The following TULP4 variants were observed in gnomAD, a reference collection of about 807,000 sequenced individuals.
TULP4 encodes the protein TUB like protein 4, also known as tubby-related protein 4.
TULP4 carries 16 observed loss-of-function variants against 129.0 expected under a neutral mutation model. The observed-to-expected ratio is 0.12, with a 90% CI of 0.08 to 0.19. The LOEUF is 0.19. TULP4 is among the 10% of genes least tolerant of loss of function. TULP4 has a pLI of 1.00. For missense variants in TULP4, 1,842 were observed against 2,059.1 expected, an observed-to-expected ratio of 0.89 and a Z score of 2.04; for synonymous variants, 998 against 854.0, an observed-to-expected ratio of 1.17 and a Z score of -2.94.
At chr6:158,427,541 T>G (rs1778529536) in intron 2 of TULP4, among the ~76,000 whole-genome samples, 1 of 137,572 alleles carries the variant, frequency 7.3e-6, no homozygotes, top group Non-Finnish European at 1.5e-5. Context: ...GTCGCCAGGC[T>G]GGAGTGCAGT....
chr6:158,421,063 T>C (rs1323730583), intron 2 of TULP4, among the ~76,000 whole-genome samples: 1 of 152,008 alleles, frequency 6.6e-6, no homozygotes, highest in Non-Finnish European at 1.5e-5. Context: ...TCAAATACAT[T>C]TAAGAAATGC....
intron 1 of TULP4, among the ~76,000 whole-genome samples, chr6:158,258,299 C>T (rs918655542): frequency 1.3e-5 from 2 of 152,300 alleles, no homozygotes; most frequent in South Asian, 2.1e-4. Context: ...TCCAGCTGTC[C>T]ACTCCCTCAG....
intron 2 of TULP4, among the ~76,000 whole-genome samples, chr6:158,423,633 T>TTTG (rs56085300): frequency 0.23 from 34,921 of 150,668 alleles, 5,094 homozygotes; most frequent in Middle Eastern, 0.34. Flanking sequence ...GTTTTTGTTT[T>TTTG]TTGTTGTTGT....
At chr6:158,399,503 T>C (rs1562550473) in intron 1 of TULP4, among the ~76,000 whole-genome samples, 1 of 152,244 alleles carries the variant, frequency 6.6e-6, no homozygotes, top group Non-Finnish European at 1.5e-5. Flanking sequence ...TCGCAGGTGC[T>C]GCTGCTAGTC....
chr6:158,463,102 G>A (rs550041251), intron 6 of TULP4, among the ~76,000 whole-genome samples: 7 of 152,186 alleles, frequency 4.6e-5, no homozygotes, highest in East Asian at 1.9e-4. Flanking sequence ...TAACCATCTC[G>A]AAATTATCCT....
chr6:158,363,547 G>A (rs534021138), intron 1 of TULP4, among the ~76,000 whole-genome samples: 9 of 152,172 alleles, frequency 5.9e-5, no homozygotes, highest in South Asian at 2.1e-4. Flanking sequence ...GCAGTGGCAC[G>A]ATCTTGGCTC....
At chr6:158,405,670 C>T (rs772864824) in intron 1 of TULP4, among the ~76,000 whole-genome samples, 26 of 152,116 alleles carry the variant, frequency 1.7e-4, no homozygotes, top group South Asian at 6.2e-4. Context: ...ATCCAAGCCA[C>T]AAGGGGTTTT....
chr6:158,249,622 C>G (rs1175560607), intron 1 of TULP4, among the ~76,000 whole-genome samples: 5 of 152,194 alleles, frequency 3.3e-5, no homozygotes, highest in Non-Finnish European at 7.3e-5. Context: ...TTGCATCTCC[C>G]TCCTCACAAC....
chr6:158,297,780 G>A (rs116569478), intron 1 of TULP4, among the ~76,000 whole-genome samples: 1,684 of 152,242 alleles, frequency 0.011, 35 homozygotes, highest in African/African-American at 0.037. Flanking sequence ...TCTATGTTTA[G>A]CGGTGCACGT....
At chr6:158,341,683 A>G (rs1292395786) in intron 1 of TULP4, among the ~76,000 whole-genome samples, 1 of 151,882 alleles carries the variant, frequency 6.6e-6, no homozygotes, top group African/African-American at 2.4e-5. Context: ...TTTTTTTTTC[A>G]TATACCTGAT....
chr6:158,340,532 T>C (rs1034494638), intron 1 of TULP4, among the ~76,000 whole-genome samples: 1 of 152,042 alleles, frequency 6.6e-6, no homozygotes, highest in Admixed American at 6.6e-5. Flanking sequence ...ACCGTACTGC[T>C]CCCAAACCAG....
At chr6:158,451,246 C>T (rs980680981) in intron 4 of TULP4, among the ~76,000 whole-genome samples, 2 of 152,200 alleles carry the variant, frequency 1.3e-5, no homozygotes, top group Non-Finnish European at 2.9e-5. Context: ...CAGGTGTTCA[C>T]CTTTCACGTG....
At position 158,385,701 on chromosome 6, in the gene TULP4, G is replaced by T. The variant is rs1157645752; in HGVS notation, c.253-27364G>T. Among the ~76,000 whole-genome samples the T allele has an allele frequency of 4.9e-5, 7 of 143,140 alleles. No homozygotes were observed. The Admixed American group carries it at 5.0e-4, about 10-fold the overall frequency. 93.9% of individuals were successfully genotyped at this position (143,140 alleles called of 152,430 possible). ...TTATATACATATAATTTATTACAGT[G>T]TGTGGTATGTAAGTTTCCTGGGTTT... On this transcript the variant is annotated intron_variant, in intron 1 of 13. Coordinates refer to ENST00000367097, the MANE Select transcript of TULP4 (RefSeq NM_020245.5).
upstream of TULP4, among the ~76,000 whole-genome samples, chr6:158,278,931 G>GTTTTT (rs1389156177): frequency 7.3e-5 from 7 of 96,038 alleles, no homozygotes; most frequent in Non-Finnish European, 9.9e-5. Context: ...CATAGTTGTT[G>GTTTTT]TTTTTTTTTG....
intron 1 of TULP4, among the ~76,000 whole-genome samples, chr6:158,349,141 TG>T (rs1780412057): frequency 1.4e-5 from 1 of 72,156 alleles, no homozygotes. Flanking sequence ...ATGGGGCAGC[TG>T]GGCAGATACA....
intron 1 of TULP4, among the ~76,000 whole-genome samples, chr6:158,299,501 G>T (rs1779097205): frequency 6.6e-6 from 1 of 152,158 alleles, no homozygotes; most frequent in African/African-American, 2.4e-5. Flanking sequence ...AGGAGAAAGG[G>T]AGAGGCCGGA....
At chr6:158,467,905 T>C (rs1010660136) in intron 6 of TULP4, among the ~76,000 whole-genome samples, 3 of 152,206 alleles carry the variant, frequency 2.0e-5, no homozygotes, top group African/African-American at 4.8e-5. Context: ...GCCTTAACAT[T>C]GTATCTTACT....
chr6:158,423,736 G>A (rs1337510975), intron 2 of TULP4, among the ~76,000 whole-genome samples: 2 of 152,058 alleles, frequency 1.3e-5, no homozygotes, highest in Non-Finnish European at 1.5e-5. Context: ...TGCCTACTGG[G>A]TTCATGCCAT....
rs561296339 is a variant in TULP4 at position 158,375,890 on chromosome 6, T to C, written c.253-37175T>C. On this transcript the variant is annotated intron_variant, in intron 1 of 13. Coordinates refer to ENST00000367097, the MANE Select transcript of TULP4 (RefSeq NM_020245.5). Reference sequence around the variant, plus strand: ...CTGAAAGTAATTAAACTTAAAAATATTTTGTCATGGGCAGGAACAAGGGAG... The same window carrying C: ...CTGAAAGTAATTAAACTTAAAAATACTTTGTCATGGGCAGGAACAAGGGAG... 7.2e-5 allele frequency among the ~76,000 whole-genome samples: 11 copies of C among 152,270 alleles called. No individual in the cohort carries two copies. The South Asian group carries it at 2.3e-3, about 32-fold the overall frequency.
Sources: gnomAD v4.1 joint callset for allele counts (sites outside exome capture counted in the v4.1 genomes callset) on GRCh38, gnomAD v4.1.1 for gene constraint, MANE v1.5 for transcripts, NCBI Gene and HGNC (gene_info 2026-07-23, HGNC 2026-07-21) for gene names.